KIAA0825: variants seen among roughly 807,000 people sequenced by gnomAD.
KIAA0825 encodes the protein KIAA0825, also known as uncharacterized protein KIAA0825.
KIAA0825 carries 119 observed loss-of-function variants against 147.6 expected under a neutral mutation model. The observed-to-expected ratio is 0.81, with a 90% CI of 0.69 to 0.94. KIAA0825 has a LOEUF of 0.94. KIAA0825 is among the 40% of genes least tolerant of loss of function. KIAA0825 has a pLI of 0.00. For synonymous variants in KIAA0825, 470 were observed against 518.1 expected, an observed-to-expected ratio of 0.91 and a Z score of 1.26; for missense variants, 1,381 against 1,472.7, an observed-to-expected ratio of 0.94 and a Z score of 1.02.
intron 13 of KIAA0825, among the ~76,000 whole-genome samples, chr5:94,443,153 G>C (rs1757299292): frequency 6.6e-6 from 1 of 151,982 alleles, no homozygotes. Flanking sequence ...ATGTACAGTA[G>C]AATGACTCAC....
chr5:94,542,386 A>T (rs978908699), intron 2 of KIAA0825, among the ~76,000 whole-genome samples: 12 of 152,230 alleles, frequency 7.9e-5, no homozygotes, highest in African/African-American at 2.9e-4. Flanking sequence ...CAATTGAGTA[A>T]AGTATACTCC....
chr5:94,400,815 C>A (rs1344572359), intron 16 of KIAA0825, among the ~76,000 whole-genome samples: 1 of 151,992 alleles, frequency 6.6e-6, no homozygotes, highest in Non-Finnish European at 1.5e-5. Flanking sequence ...ATATTTATTT[C>A]TTTAAATCTT....
chr5:94,560,251 C>T (rs950746775), intron 2 of KIAA0825, among the ~76,000 whole-genome samples: 2 of 152,156 alleles, frequency 1.3e-5, no homozygotes, highest in Admixed American at 1.3e-4. Flanking sequence ...CTTGTATATA[C>T]ACAAAAATAA....
intron 20 of KIAA0825, among the ~76,000 whole-genome samples, chr5:94,197,756 A>C (rs1771272881): frequency 6.6e-6 from 1 of 152,104 alleles, no homozygotes; most frequent in Non-Finnish European, 1.5e-5. Flanking sequence ...GTTATTGCTG[A>C]CTTTGTCAAA....
chr5:94,537,156 T>C (rs771716811), intron 2 of KIAA0825, 29 bp from the exon 3 acceptor site: 25 of 1,577,664 alleles, frequency 1.6e-5, no homozygotes, highest in Non-Finnish European at 2.1e-5. Context: ...TAATAAAACA[T>C]GTCAGTTCCC....
rs17083782 is a variant in KIAA0825, at chr5:94,519,530, A to T, written c.970+718T>A. 3.6e-3 allele frequency: 2,372 copies of T among 662,900 alleles called. 42 individuals carry two copies. In the African/African-American group the frequency reaches 0.043, roughly 12 times the overall value. 41.1% of individuals were successfully genotyped at this position (662,900 alleles called of 1,614,324 possible). A position where few individuals can be genotyped will look rare whatever the true frequency, so the allele number is the denominator to read the frequency against. On this transcript the variant is annotated intron_variant, in intron 5 of 20. Transcript: ENST00000682413. ...TTTTTTCCTTTATCTTATGAATAAA[A>T]TAGAAATTTTCAAATCATCTTTTAT... is the stretch of plus-strand genomic sequence containing the variant.
At chr5:94,456,388 TC>T (rs1251572560) in intron 12 of KIAA0825, among the ~76,000 whole-genome samples, 1 of 152,142 alleles carries the variant, frequency 6.6e-6, no homozygotes, top group African/African-American at 2.4e-5. Flanking sequence ...CTAAAATATA[TC>T]CCCTTTCACA....
intron 20 of KIAA0825, among the ~76,000 whole-genome samples, chr5:94,330,261 C>A (rs978293137): frequency 6.6e-6 from 1 of 152,118 alleles, no homozygotes; most frequent in Non-Finnish European, 1.5e-5. Flanking sequence ...GAACAGGTCT[C>A]CCAGTGATAG....
intron 1 of KIAA0825, among the ~76,000 whole-genome samples, chr5:94,615,333 A>T (rs1239070622): frequency 6.6e-6 from 1 of 152,202 alleles, no homozygotes. Context: ...TAGATGAGAA[A>T]CATGATACCC....
In KIAA0825 at chr5:94,440,084, A is replaced by C; in HGVS notation, c.2395T>G (p.Leu799Val). 1 of 1,551,508 alleles carries C rather than the reference A, an allele frequency of 6.4e-7. No individual in the cohort carries two copies. The highest frequency in any genetic ancestry group is 8.7e-7 in the Non-Finnish European group (1 of 1,146,810). Reference sequence around the variant, plus strand: ...CGTGGCTGGGATAAGAGCAGTTTCAACTGACCCTCGGCTTTCAGTCCTCCA... The same window carrying C: ...CGTGGCTGGGATAAGAGCAGTTTCACCTGACCCTCGGCTTTCAGTCCTCCA... ...SAGGLKAEGQLKLLLSQPRCN... is the reference protein window; with the variant it reads ...SAGGLKAEGQVKLLLSQPRCN... Residue 799 changes from leucine to valine, a missense_variant, in exon 14 of 21, where the codon TTG (leucine) becomes GTG (valine). Transcript: ENST00000682413.
At position 94,529,352 on chromosome 5, in the gene KIAA0825, A is replaced by ATG. The variant is rs1404205170; in HGVS notation, c.132-5256_132-5255dup. On this transcript the variant is annotated intron_variant, in intron 3 of 20. Transcript: ENST00000682413. ...TATCATATATATGTATATATCATAT[A>ATG]TGTATATATCATATATGTATATATC... 4.2e-5 allele frequency among the ~76,000 whole-genome samples: 6 copies of ATG among 142,836 alleles called. 1 individual carries two copies. Among genetic ancestry groups the ATG allele is most frequent in the African/African-American group, 1.6e-4 (6 of 37,274 alleles). 93.7% of individuals were successfully genotyped at this position (142,836 alleles called of 152,430 possible).
chr5:94,411,768 G>A (rs1388775612), intron 15 of KIAA0825, among the ~76,000 whole-genome samples: 7 of 151,898 alleles, frequency 4.6e-5, no homozygotes, highest in African/African-American at 1.7e-4. Flanking sequence ...CCAACATAGT[G>A]AGACCCCACT....
chr5:94,429,467 C>T (rs1387941352), intron 14 of KIAA0825, among the ~76,000 whole-genome samples: 1 of 151,840 alleles, frequency 6.6e-6, no homozygotes, highest in Non-Finnish European at 1.5e-5. Flanking sequence ...TAGACATATG[C>T]ACTTCTTTTG....
At chr5:94,280,932 A>G (rs1777428902) in intron 20 of KIAA0825, among the ~76,000 whole-genome samples, 4 of 152,056 alleles carry the variant, frequency 2.6e-5, no homozygotes, top group Admixed American at 2.6e-4. Flanking sequence ...TAATTTGGAA[A>G]TCATACTAAA....
chr5:94,238,703 A>G (rs541590228), intron 20 of KIAA0825, among the ~76,000 whole-genome samples: 1 of 151,322 alleles, frequency 6.6e-6, no homozygotes, highest in East Asian at 1.9e-4. Flanking sequence ...CAAAAAGTAC[A>G]ATCAACACAA....
chr5:94,304,360 C>T (rs1019902919), intron 20 of KIAA0825, among the ~76,000 whole-genome samples: 1 of 152,084 alleles, frequency 6.6e-6, no homozygotes, highest in East Asian at 1.9e-4. Context: ...AATTGCAGGG[C>T]AGTGCTGCTA....
chr5:94,431,869 G>T (rs1755719133), intron 14 of KIAA0825, among the ~76,000 whole-genome samples: 1 of 152,118 alleles, frequency 6.6e-6, no homozygotes, highest in African/African-American at 2.4e-5. Context: ...CTATGCTGGG[G>T]GTGAGTAGGA....
intron 17 of KIAA0825, among the ~76,000 whole-genome samples, chr5:94,394,144 G>A (rs7733112): frequency 0.024 from 3,581 of 152,050 alleles, 57 homozygotes; most frequent in African/African-American, 0.031. Flanking sequence ...GAGCCACTGC[G>A]CCCAGCCAAG....
At chr5:94,206,878 T>G (rs1279569903) in intron 20 of KIAA0825, among the ~76,000 whole-genome samples, 3 of 152,170 alleles carry the variant, frequency 2.0e-5, no homozygotes, top group Non-Finnish European at 4.4e-5. Flanking sequence ...GTTTTAGGGC[T>G]TATATACACT....
Sources: allele counts gnomAD v4.1 joint callset (sites outside exome capture counted in the v4.1 genomes callset), GRCh38; gene constraint gnomAD v4.1.1; transcripts MANE v1.5; gene names NCBI Gene and HGNC (gene_info 2026-07-23, HGNC 2026-07-21).